Variants in CADM2 observed in about 807,000 individuals in gnomAD.
CADM2 encodes the protein cell adhesion molecule 2.
Under a neutral mutation model 49.8 loss-of-function variants are expected in CADM2, and 12 were observed. The ratio of observed to expected loss-of-function variants is 0.24; its 90% CI spans 0.15 to 0.39. The LOEUF (loss-of-function observed/expected upper bound fraction) is 0.39, where lower values mean the gene tolerates loss of function less well. Among genes scored for constraint, CADM2 ranks in the 10% least tolerant of loss-of-function variants. The pLI is 1.00. For synonymous variants in CADM2, 214 were observed against 175.4 expected (o/e 1.22, Z -1.74); for missense variants, 378 against 492.3 (o/e 0.77, Z 2.20).
At chr3:85,642,322 C>T (rs2064747593) in intron 1 of CADM2, among the ~76,000 whole-genome samples, 1 of 151,674 alleles carries the variant, frequency 6.6e-6, no homozygotes, top group Non-Finnish European at 1.5e-5. Context: ...TACTGGTTTA[C>T]TGCAAAAAAT....
At position 85,107,631 on chromosome 3, in the gene CADM2, T is replaced by TTTTCTTTCTTTCTTTCTTTCTTTC. The variant is rs371715710; in HGVS notation, c.61+147967_61+147990dup. The stretch of plus-strand genomic sequence containing the variant: ...TCTTTTTCTTTCTTTCTTTCTTTCT[T>TTTTCTTTCTTTCTTTCTTTCTTTC]TTTCTTTCTTTCTTTCTTTCTTTCT... On this transcript the variant is annotated intron_variant, in intron 1 of 9. Coordinates refer to ENST00000383699, the MANE Select transcript of CADM2 (RefSeq NM_001167675.2). Among the ~76,000 whole-genome samples the TTTTCTTTCTTTCTTTCTTTCTTTC allele has an allele frequency of 2.2e-3, 298 of 137,938 alleles. 3 individuals are homozygous for TTTTCTTTCTTTCTTTCTTTCTTTC. Among genetic ancestry groups the TTTTCTTTCTTTCTTTCTTTCTTTC allele is most frequent in the African/African-American group, 7.0e-3 (270 of 38,488 alleles). 90.5% of individuals were successfully genotyped at this position (137,938 alleles called of 152,430 possible). A position where few individuals can be genotyped will look rare whatever the true frequency, so the allele number is the denominator to read the frequency against.
At chr3:86,039,439 C>G (rs1559817562) in intron 8 of CADM2, among the ~76,000 whole-genome samples, 1 of 152,158 alleles carries the variant, frequency 6.6e-6, no homozygotes, top group Non-Finnish European at 1.5e-5. Context: ...AGATTATATC[C>G]CACGCCTGGC....
At chr3:84,960,080 A>C in intron 1 of CADM2, 1 of 238,500 alleles carries the variant, frequency 4.2e-6, no homozygotes, top group South Asian at 1.0e-4. Context: ...TCATCTCTTT[A>C]ACCTCCCCCT....
intron 1 of CADM2, among the ~76,000 whole-genome samples, chr3:85,376,016 T>C (rs2033573985): frequency 6.6e-6 from 1 of 152,136 alleles, no homozygotes; most frequent in African/African-American, 2.4e-5. Flanking sequence ...TTAATATGCA[T>C]TATGTAATTT....
At chr3:84,963,178 T>G (rs2030701792) in intron 1 of CADM2, among the ~76,000 whole-genome samples, 1 of 152,212 alleles carries the variant, frequency 6.6e-6, no homozygotes, top group Non-Finnish European at 1.5e-5. Flanking sequence ...GTGTCTTTTC[T>G]TATTTTCCCT....
intron 1 of CADM2, among the ~76,000 whole-genome samples, chr3:85,194,185 T>C (rs932830890): frequency 1.3e-5 from 2 of 151,984 alleles, no homozygotes; most frequent in African/African-American, 4.8e-5. Context: ...TTGTTGCATA[T>C]GTAAGTGCGC....
intron 1 of CADM2, among the ~76,000 whole-genome samples, chr3:85,225,346 T>G (rs2107800349): frequency 6.6e-6 from 1 of 152,336 alleles, no homozygotes; most frequent in Admixed American, 6.5e-5. Context: ...CCTAGGTATT[T>G]AATTCTCTTT....
chr3:85,045,866 T>C (rs545189181), intron 1 of CADM2, among the ~76,000 whole-genome samples: 40 of 152,256 alleles, frequency 2.6e-4, no homozygotes, highest in Admixed American at 9.2e-4. Flanking sequence ...AAAAAACACA[T>C]TCCATATTCT....
intron 1 of CADM2, among the ~76,000 whole-genome samples, chr3:85,646,496 A>AT (rs1397006956): frequency 6.6e-6 from 1 of 152,012 alleles, no homozygotes; most frequent in Non-Finnish European, 1.5e-5. Context: ...GGTAGTTTGC[A>AT]TTCACTGTTT....
chr3:85,164,903 CAAG>C lies in CADM2; in HGVS notation c.61+205238_61+205240del, dbSNP rs1309626485. ...AACAAAACAGTTTATATAGAACAAT[CAAG>C]AAATTATTTGAATATTAAAGGTATT... On this transcript the variant is annotated intron_variant, in intron 1 of 9. Coordinates refer to ENST00000383699, the MANE Select transcript of CADM2 (RefSeq NM_001167675.2). 2.6e-5 allele frequency among the ~76,000 whole-genome samples: 4 copies of C among 151,186 alleles called. No homozygotes were observed. The East Asian group carries it at 5.8e-4, about 22-fold the overall frequency.
intron 1 of CADM2, among the ~76,000 whole-genome samples, chr3:85,667,350 A>G (rs1254725857): frequency 1.3e-5 from 2 of 152,030 alleles, no homozygotes; most frequent in Middle Eastern, 3.2e-3. Flanking sequence ...ATCAATATGA[A>G]AATTATTACT....
intron 2 of CADM2, among the ~76,000 whole-genome samples, chr3:85,735,810 AG>A (rs1199932876): frequency 2.6e-5 from 4 of 152,148 alleles, no homozygotes; most frequent in African/African-American, 9.6e-5. Context: ...AAGATCGAAA[AG>A]ACAGGACTAA....
intron 1 of CADM2, among the ~76,000 whole-genome samples, chr3:85,191,945 T>TTGTGTGTGTGTGTGTGTGTGTG (rs3085115): frequency 6.7e-6 from 1 of 148,988 alleles, no homozygotes; most frequent in Non-Finnish European, 1.5e-5. Flanking sequence ...GATGAAACAG[T>TTGTGTGTGTGTGTGTGTGTGTG]TGTGTGTGTG....
At chr3:85,156,007 T>G (rs958460554) in intron 1 of CADM2, among the ~76,000 whole-genome samples, 4 of 152,066 alleles carry the variant, frequency 2.6e-5, no homozygotes, top group African/African-American at 7.2e-5. Context: ...CAAAATTTCC[T>G]TCTCCTGCCT....
At chr3:85,928,995 A>G (rs2108522054) in intron 6 of CADM2, among the ~76,000 whole-genome samples, 1 of 151,684 alleles carries the variant, frequency 6.6e-6, no homozygotes, top group East Asian at 1.9e-4. Context: ...ACTGCGTGAA[A>G]ATTGCTAGTT....
intron 1 of CADM2, among the ~76,000 whole-genome samples, chr3:85,280,392 G>A (rs2043471521): frequency 6.6e-6 from 1 of 150,942 alleles, no homozygotes; most frequent in Non-Finnish European, 1.5e-5. Context: ...CCTTTGACCT[G>A]CAAAATTTCT....
chr3:85,457,179 G>A (rs543619348), intron 1 of CADM2, among the ~76,000 whole-genome samples: 1 of 152,278 alleles, frequency 6.6e-6, no homozygotes, highest in Admixed American at 6.5e-5. Context: ...TTGGGAGGCT[G>A]AGGCAGGTGG....
intron 1 of CADM2, among the ~76,000 whole-genome samples, chr3:85,622,893 C>T (rs2064017985): frequency 6.6e-6 from 1 of 152,010 alleles, no homozygotes; most frequent in Admixed American, 6.6e-5. Flanking sequence ...GTTTTCTGTA[C>T]TCAAATGGGA....
chr3:85,933,383 G>A (rs924439503), intron 6 of CADM2, among the ~76,000 whole-genome samples: 1 of 152,080 alleles, frequency 6.6e-6, no homozygotes, highest in Non-Finnish European at 1.5e-5. Flanking sequence ...TTTGCTCATA[G>A]TGTAATCTGC....
Sources: allele counts gnomAD v4.1 joint callset (sites outside exome capture counted in the v4.1 genomes callset), GRCh38; gene constraint gnomAD v4.1.1; transcripts MANE v1.5; gene names NCBI Gene and HGNC (gene_info 2026-07-23, HGNC 2026-07-21).